Variants in XG observed in about 807,000 individuals in gnomAD.
XG encodes the protein glycoprotein Xg.
XG carries 24 observed loss-of-function variants against 25.7 expected under a neutral mutation model. The ratio of observed to expected loss-of-function variants is 0.93; its 90% confidence interval spans 0.68 to 1.31. XG has a LOEUF of 1.31. Among genes scored for constraint, XG ranks in the 40% most tolerant of loss-of-function variants. The pLI is 0.00. For missense variants in XG, 181 were observed against 187.6 expected, an observed-to-expected ratio of 0.96 and a Z score of 0.21; for synonymous variants, 77 against 69.2, an observed-to-expected ratio of 1.11 and a Z score of -0.56.
At chrX:2,780,891 C>A (rs2051105679) in intron 3 of XG, among the ~76,000 whole-genome samples, 1 of 151,992 alleles carries the variant, frequency 6.6e-6, no homozygotes. Flanking sequence ...CGATCAGATA[C>A]GAATCTGCCT....
chrX:2,780,433 A>G (rs1489251167), intron 3 of XG, among the ~76,000 whole-genome samples: 8 of 151,308 alleles, frequency 5.3e-5, no homozygotes, highest in Non-Finnish European at 7.4e-5. Context: ...TCTAAAAAAA[A>G]AAAAAAGTCA....
rs200727930 is a variant in XG at position 2,796,468 on chromosome X, A to ATGTG, written c.323-824_323-821dup. On this transcript the variant is annotated intron_variant, in intron 6 of 10. Coordinates refer to ENST00000644266, the MANE Select transcript of XG (RefSeq NM_001141919.2). ...TATATATGTATATACATTTAGGTAT[A>ATGTG]TGTGTGTGTGTGTGTGTGTGTATAT... Among the ~76,000 whole-genome samples, 397 of 95,805 alleles carry ATGTG rather than the reference A, an allele frequency of 4.1e-3. 1 individual carries two copies. Among genetic ancestry groups the ATGTG allele is most frequent in the East Asian group, 6.1e-3 (20 of 3,271 alleles). 83.2% of individuals were successfully genotyped at this position (95,805 alleles called of 115,157 possible).
At chrX:2,800,385 T>C (rs1199682826) in intron 7 of XG, among the ~76,000 whole-genome samples, 1 of 112,187 alleles carries the variant, frequency 8.9e-6, no homozygotes, top group Admixed American at 9.5e-5. Context: ...GCAAAGATCC[T>C]CTACAGATGC....
At chrX:2,764,575 T>C (rs1400741142) in intron 1 of XG, among the ~76,000 whole-genome samples, 1 of 152,108 alleles carries the variant, frequency 6.6e-6, no homozygotes, top group Non-Finnish European at 1.5e-5. Flanking sequence ...TCGGGGTCCC[T>C]GTGCCAGCTT....
At chrX:2,773,180 A>C (rs2050862700) in intron 2 of XG, among the ~76,000 whole-genome samples, 1 of 150,676 alleles carries the variant, frequency 6.6e-6, no homozygotes. Context: ...AGGAAAAAGG[A>C]TGGAAACAAG....
rs1263361433 is a variant in XG, at chrX:2,794,581, G to A, written c.300G>A (p.Arg100=). ...GTGATGACGGACGCTACCCGCCCAG[G>A]CCCAGGCCACGGCCGCCTGCAGGTA... ...VDRDDGRYPP[R]PRPRPPAGGG... The change falls in exon 6 of 11, where the codon AGG becomes AGA. Residue 100 remains arginine, a synonymous_variant. Transcript: ENST00000644266. The A allele has an allele frequency of 3.3e-6, 4 of 1,211,604 alleles. No homozygotes were observed. In the Admixed American group the frequency reaches 8.7e-5, roughly 26 times the overall value.
chrX:2,780,048 CT>C (rs1569463818), intron 3 of XG, among the ~76,000 whole-genome samples: 2 of 152,024 alleles, frequency 1.3e-5, no homozygotes, highest in Non-Finnish European at 2.9e-5. Flanking sequence ...ATTTGTATTA[CT>C]TTTTATTGGA....
chrX:2,801,720 T>C (rs2086939568), intron 7 of XG, among the ~76,000 whole-genome samples: 1 of 110,927 alleles, frequency 9.0e-6, no homozygotes, highest in East Asian at 2.8e-4. Flanking sequence ...ATTTTTTATT[T>C]TTTTTTGAGA....
At chrX:2,794,248 C>G (rs1427786349) in intron 5 of XG, among the ~76,000 whole-genome samples, 1 of 111,743 alleles carries the variant, frequency 8.9e-6, no homozygotes, top group East Asian at 2.8e-4. Context: ...TGAGCTTCAC[C>G]CCAGCTCACG....
chrX:2,773,852 A>AG (rs1256756919), intron 2 of XG, among the ~76,000 whole-genome samples: 2 of 150,258 alleles, frequency 1.3e-5, no homozygotes, highest in African/African-American at 2.5e-5. Context: ...GGAAGGAAGG[A>AG]AGAAGGGAGG....
chrX:2,805,257 C>T (rs1273412843), intron 7 of XG, among the ~76,000 whole-genome samples: 1 of 112,382 alleles, frequency 8.9e-6, no homozygotes, highest in East Asian at 2.8e-4. Flanking sequence ...AAATGTTGCG[C>T]TCGTCGTTTT....
chrX:2,789,071 A>G (rs1361355571), intron 4 of XG, among the ~76,000 whole-genome samples: 1 of 110,883 alleles, frequency 9.0e-6, no homozygotes, highest in Non-Finnish European at 1.9e-5. Context: ...TCTCTACACA[A>G]ATTTTAAAAA....
chrX:2,787,182 CTG>C (rs1427690195), intron 4 of XG, among the ~76,000 whole-genome samples: 1 of 109,027 alleles, frequency 9.2e-6, no homozygotes, highest in Non-Finnish European at 1.9e-5. Flanking sequence ...GAATCAATGT[CTG>C]TTGTTTATAA....
chrX:2,755,433 A>T (rs1243582609), intron 1 of XG, among the ~76,000 whole-genome samples: 1 of 152,026 alleles, frequency 6.6e-6, no homozygotes, highest in Non-Finnish European at 1.5e-5. Flanking sequence ...GGCCACTCTC[A>T]TCACCATCTG....
intron 1 of XG, among the ~76,000 whole-genome samples, chrX:2,754,270 TA>T (rs1391960252): frequency 6.6e-6 from 1 of 152,184 alleles, no homozygotes; most frequent in East Asian, 1.9e-4. Flanking sequence ...GACTAGTTTT[TA>T]AAACTTTTTG....
intron 1 of XG, among the ~76,000 whole-genome samples, chrX:2,755,843 C>T (rs1427446330): frequency 1.3e-5 from 2 of 152,032 alleles, no homozygotes; most frequent in African/African-American, 2.4e-5. Flanking sequence ...TTCCCAAGAT[C>T]CCAAAAACAT....
intron 1 of XG, among the ~76,000 whole-genome samples, chrX:2,753,828 G>A (rs776849308): frequency 4.0e-4 from 61 of 152,072 alleles, no homozygotes; most frequent in Non-Finnish European, 6.6e-4. Context: ...GTGATCCACC[G>A]GCCTCCCAAA....
chrX:2,791,559 C>T (rs145903180), intron 5 of XG, among the ~76,000 whole-genome samples: 3,328 of 109,686 alleles, frequency 0.03, 59 homozygotes, highest in Non-Finnish European at 0.05. Context: ...AGACTATGTT[C>T]CCCCAGGAGG....
intron 7 of XG, among the ~76,000 whole-genome samples, chrX:2,799,754 G>C (rs1462670293): frequency 2.7e-5 from 3 of 111,597 alleles, no homozygotes; most frequent in African/African-American, 9.8e-5. Context: ...GGAACCAAAA[G>C]GGGGAGGCAG....
Sources: gnomAD v4.1 joint callset for allele counts (sites outside exome capture counted in the v4.1 genomes callset) on GRCh38, gnomAD v4.1.1 for gene constraint, MANE v1.5 for transcripts, NCBI Gene and HGNC (gene_info 2026-07-23, HGNC 2026-07-21) for gene names.